Variants in KCNIP4 observed in about 807,000 individuals in gnomAD.
KCNIP4 encodes the protein Kv channel-interacting protein 4.
KCNIP4 carries 12 observed loss-of-function variants against 34.0 expected under a neutral mutation model. That is an observed-to-expected ratio of 0.35 (90% CI 0.23 to 0.57). The LOEUF (loss-of-function observed/expected upper bound fraction) is 0.57, where lower values mean the gene tolerates loss of function less well. Among genes scored for constraint, KCNIP4 ranks in the 20% least tolerant of loss-of-function variants. KCNIP4 has a pLI of 0.83. For synonymous variants in KCNIP4, 124 were observed against 102.2 expected (o/e 1.21, Z -1.29); for missense variants, 238 against 311.7 (o/e 0.76, Z 1.78).
At chr4:20,769,520 G>GA (rs991307413) in intron 3 of KCNIP4, among the ~76,000 whole-genome samples, 1 of 151,784 alleles carries the variant, frequency 6.6e-6, no homozygotes, top group Non-Finnish European at 1.5e-5. Context: ...CCATTTAGTG[G>GA]AAAAAAAAGA....
chr4:20,760,626 TTAGG>T (rs1261837457), intron 3 of KCNIP4, among the ~76,000 whole-genome samples: 2 of 152,134 alleles, frequency 1.3e-5, no homozygotes, highest in Non-Finnish European at 2.9e-5. Flanking sequence ...AATGATGAGC[TTAGG>T]TAGGCAAAAT....
intron 5 of KCNIP4, among the ~76,000 whole-genome samples, chr4:20,737,454 G>A (rs1251793867): frequency 1.3e-5 from 2 of 152,110 alleles, no homozygotes; most frequent in Non-Finnish European, 2.9e-5. Flanking sequence ...GTCAGAAATG[G>A]GCTGTGCTCT....
chr4:20,870,912 A>G (rs143323633), intron 2 of KCNIP4, among the ~76,000 whole-genome samples: 295 of 152,144 alleles, frequency 1.9e-3, no homozygotes, highest in African/African-American at 6.8e-3. Flanking sequence ...GGCTCATTTC[A>G]GTGGGGAAGG....
chr4:21,144,466 T>G lies in KCNIP4; in HGVS notation c.62-261757A>C, dbSNP rs972674830. ...GCTAAATATTGTACATAAGCTCATC[T>G]ATTCCTCATGCTAAACCCCTGACCC... On this transcript the variant is annotated intron_variant, in intron 1 of 8. Transcript: ENST00000382152. Among the ~76,000 whole-genome samples, 9 of 152,216 alleles carry G rather than the reference T, an allele frequency of 5.9e-5. No individual in the cohort carries two copies. The East Asian group carries it at 1.5e-3, about 26-fold the overall frequency.
At chr4:20,961,549 A>G (rs1301573828) in intron 1 of KCNIP4, among the ~76,000 whole-genome samples, 3 of 152,200 alleles carry the variant, frequency 2.0e-5, no homozygotes, top group South Asian at 2.1e-4. Context: ...AAAAAAAACA[A>G]AAGGAAATTG....
Position 21,740,449 on chromosome 4 carries a change from T to C in KCNIP4, c.61+208122A>G, listed in dbSNP as rs561043615. Among the ~76,000 whole-genome samples, 6 of 152,148 alleles carry C rather than the reference T, an allele frequency of 3.9e-5. No individual in the cohort carries two copies. The South Asian group carries it at 1.0e-3, about 26-fold the overall frequency. ...TCAATTTATTCCTTCTTTCCATAAA[T>C]AATTATTAATCATATCACATGTGCC... On this transcript the variant is annotated intron_variant, in intron 1 of 8. Transcript: ENST00000382152.
At chr4:21,190,107 T>G (rs1191798968) in intron 1 of KCNIP4, among the ~76,000 whole-genome samples, 1 of 152,246 alleles carries the variant, frequency 6.6e-6, no homozygotes. Context: ...TTCCCACTCC[T>G]GAATACTAAT....
intron 1 of KCNIP4, among the ~76,000 whole-genome samples, chr4:21,065,978 A>G (rs773487341): frequency 3.2e-4 from 49 of 152,094 alleles, no homozygotes; most frequent in Non-Finnish European, 5.0e-4. Flanking sequence ...TCTTTTAAGA[A>G]TATAGAGGCA....
intron 1 of KCNIP4, among the ~76,000 whole-genome samples, chr4:21,694,166 A>G (rs1711999326): frequency 6.6e-6 from 1 of 152,174 alleles, no homozygotes; most frequent in African/African-American, 2.4e-5. Flanking sequence ...CATTCATATG[A>G]TAGGGTGTTG....
At chr4:21,521,605 T>C (rs1042776316) in intron 1 of KCNIP4, among the ~76,000 whole-genome samples, 5 of 152,186 alleles carry the variant, frequency 3.3e-5, no homozygotes, top group Non-Finnish European at 7.3e-5. Context: ...AGGGTTGTCA[T>C]CTAATTATTC....
chr4:21,739,694 G>A (rs964597792), intron 1 of KCNIP4, among the ~76,000 whole-genome samples: 7 of 152,006 alleles, frequency 4.6e-5, no homozygotes, highest in Non-Finnish European at 8.8e-5. Flanking sequence ...TATGATATAA[G>A]GAGAAAGTTA....
chr4:21,788,440 A>C (rs187267608), intron 1 of KCNIP4, among the ~76,000 whole-genome samples: 1 of 152,212 alleles, frequency 6.6e-6, no homozygotes. Context: ...TATGCTATGA[A>C]TTATGAGGAA....
At chr4:21,081,803 C>A (rs1442808699) in intron 1 of KCNIP4, among the ~76,000 whole-genome samples, 1 of 151,668 alleles carries the variant, frequency 6.6e-6, no homozygotes, top group Admixed American at 6.6e-5. Flanking sequence ...TCACTGAATT[C>A]TGAGAGAGTA....
chr4:21,799,334 A>G (rs761519351), intron 1 of KCNIP4, among the ~76,000 whole-genome samples: 28 of 152,156 alleles, frequency 1.8e-4, no homozygotes, highest in Non-Finnish European at 2.6e-4. Context: ...CCAGAAATTG[A>G]ATCTAGGTAT....
At chr4:20,925,954 C>T (rs537477433) in intron 1 of KCNIP4, among the ~76,000 whole-genome samples, 1 of 152,168 alleles carries the variant, frequency 6.6e-6, no homozygotes, top group African/African-American at 2.4e-5. Flanking sequence ...CTGATAAAAG[C>T]TCATTAGAGA....
intron 1 of KCNIP4, among the ~76,000 whole-genome samples, chr4:21,936,093 T>C (rs1224304407): frequency 6.6e-6 from 1 of 152,022 alleles, no homozygotes; most frequent in Non-Finnish European, 1.5e-5. Context: ...ATAAAAACTA[T>C]GAAGGAAAGT....
At chr4:21,734,440 C>G (rs1715838042) in intron 1 of KCNIP4, among the ~76,000 whole-genome samples, 1 of 152,098 alleles carries the variant, frequency 6.6e-6, no homozygotes, top group African/African-American at 2.4e-5. Context: ...ATCCAGGGAA[C>G]TCACTGAAAT....
chr4:21,591,663 G>A (rs1742234667), intron 1 of KCNIP4, among the ~76,000 whole-genome samples: 1 of 151,878 alleles, frequency 6.6e-6, no homozygotes, highest in African/African-American at 2.4e-5. Flanking sequence ...CAGTAATTCT[G>A]GAGTTAAATA....
At chr4:21,597,604 A>G (rs1248991735) in intron 1 of KCNIP4, among the ~76,000 whole-genome samples, 1 of 152,142 alleles carries the variant, frequency 6.6e-6, no homozygotes, top group African/African-American at 2.4e-5. Flanking sequence ...GGCTTTCCCA[A>G]GGTATGAAAG....
Sources: allele counts gnomAD v4.1 joint callset (sites outside exome capture counted in the v4.1 genomes callset), GRCh38; gene constraint gnomAD v4.1.1; transcripts MANE v1.5; gene names NCBI Gene and HGNC (gene_info 2026-07-23, HGNC 2026-07-21).